The following ISLR2 variants were observed in gnomAD, a reference collection of about 807,000 sequenced individuals.
The protein encoded by ISLR2 is immunoglobulin superfamily containing leucine rich repeat 2.
Under a neutral mutation model 25.5 loss-of-function variants are expected in ISLR2, and 16 were observed. The ratio of observed to expected loss-of-function variants is 0.63; its 90% CI spans 0.43 to 0.95. The LOEUF is 0.95. Among genes scored for constraint, ISLR2 ranks in the 40% least tolerant of loss-of-function variants. ISLR2 has a pLI of 0.00. For synonymous variants in ISLR2, 508 were observed against 486.6 expected (o/e 1.04, Z -0.58); for missense variants, 883 against 1,030.7 (o/e 0.86, Z 1.96).
intron 2 of ISLR2, among the ~76,000 whole-genome samples, chr15:74,111,481 G>T (rs921155727): frequency 2.6e-5 from 4 of 150,992 alleles, no homozygotes; most frequent in Admixed American, 1.3e-4. Context: ...GTGTAGACAG[G>T]GCTTGCCATG....
At chr15:74,128,389 G>T (rs2072329273), upstream of ISLR2, 1 of 442,448 alleles carries the variant, frequency 2.3e-6, no homozygotes, top group Admixed American at 2.7e-5. Flanking sequence ...CGGGCCCGCG[G>T]GAGTCAGCTC....
chr15:74,133,888 A>C lies in ISLR2; in HGVS notation c.1134A>C (p.Pro378=). Residue 378 remains proline (P), a synonymous_variant, in exon 3 of 3, where the codon CCA becomes CCC. Coordinates refer to ENST00000453268, the MANE Select transcript of ISLR2 (RefSeq NM_020851.3). ...IRVAVAATGP[P]KHAPGAGGEP... ...TGGCGGTGGCAGCAACCGGGCCCCC[A>C]AAACACGCGCCTGGCGCCGGGGGAG... The C allele has an allele frequency of 6.2e-7, 1 of 1,608,664 alleles. No individual in the cohort carries two copies.
In ISLR2 at chr15:74,133,895, G is replaced by T; in HGVS notation, c.1141G>T (p.Ala381Ser). 1.9e-6 allele frequency: 3 copies of T among 1,606,378 alleles called. No individual in the cohort carries two copies. Among genetic ancestry groups the T allele is most frequent in the Non-Finnish European group, 2.5e-6 (3 of 1,176,720 alleles). ...GGCAGCAACCGGGCCCCCAAAACACGCGCCTGGCGCCGGGGGAGAACCCGA... is the reference window on the plus strand; with the variant it reads ...GGCAGCAACCGGGCCCCCAAAACACTCGCCTGGCGCCGGGGGAGAACCCGA... ...AVAATGPPKHAPGAGGEPDGQ... is the reference protein window; with the variant it reads ...AVAATGPPKHSPGAGGEPDGQ... Residue 381 changes from alanine to serine, a missense_variant, in exon 3 of 3, where the codon GCG (alanine) becomes TCG (serine). Physicochemically the swap from Ala to Ser is moderately conservative, Grantham distance 99. Around this residue, in one of 2 missense-constraint regions of ISLR2, gnomAD observed 612 missense variants for 642.8 expected, o/e 0.95. Transcript: ENST00000453268.
upstream of ISLR2, chr15:74,126,802 A>G (rs568573990): frequency 6.6e-6 from 1 of 152,544 alleles, no homozygotes. Flanking sequence ...AGGAGGGAGT[A>G]TAAACAGGGC....
chr15:74,134,243 G>A lies in ISLR2; in HGVS notation c.1489G>A (p.Glu497Lys), dbSNP rs1304784130. 6.3e-7 allele frequency: 1 copy of A among 1,587,172 alleles called. No individual in the cohort carries two copies. The highest frequency in any genetic ancestry group is 8.6e-7 in the Non-Finnish European group (1 of 1,167,082). Residue 497 changes from glutamate (E) to lysine (K), a missense_variant, in exon 3 of 3, where the codon GAG becomes AAG. By Grantham distance (56) the Glu-to-Lys change is moderately conservative. Transcript: ENST00000453268. ...CATCGCGCTGGATGTGGCGGAGCGC[G>A]AGGCGCGGGTGCAGCTGACTCCGCT... ...GVIALDVAER[E>K]ARVQLTPLAA... is the part of the protein sequence containing the mutation.
At chr15:74,127,223 T>C (rs943958964), upstream of ISLR2, 6 of 152,170 alleles carry the variant, frequency 3.9e-5, no homozygotes, top group African/African-American at 1.4e-4. Context: ...ATGTCGCATG[T>C]CTTAAACATT....
At position 74,135,132 on chromosome 15, in the gene ISLR2, C is replaced by G; in HGVS notation, c.*140C>G. On this transcript the variant is annotated 3_prime_UTR_variant, in exon 3 of 3. Transcript: ENST00000453268. ...CCTTACTACTCCCCAACCTTGACTACCAGGGACTTCTATTAGGGAGTGGGC... is the reference window on the plus strand; with the variant it reads ...CCTTACTACTCCCCAACCTTGACTAGCAGGGACTTCTATTAGGGAGTGGGC... 1 of 1,027,176 alleles carries G rather than the reference C, an allele frequency of 9.7e-7. No individual in the cohort carries two copies. Among genetic ancestry groups the G allele is most frequent in the Non-Finnish European group, 1.4e-6 (1 of 707,146 alleles). The allele number at this position is 1,027,176 out of a possible 1,614,324, so 63.6% of individuals were successfully genotyped here.
chr15:74,133,597 A>G lies in ISLR2; in HGVS notation c.843A>G (p.Val281=), dbSNP rs1427866871. ...QWQLQIPGGT[V]VLEPPVLSGE... The stretch of plus-strand genomic sequence containing the variant: ...AACTTCAGATCCCCGGTGGCACCGT[A>G]GTCTTAGAGCCACCGGTTCTGAGCG... Residue 281 remains valine, a synonymous_variant, in exon 3 of 3, where the codon GTA becomes GTG. Transcript: ENST00000453268. 3 of 1,614,116 alleles carry G rather than the reference A, an allele frequency of 1.9e-6. No individual in the cohort carries two copies. The highest frequency in any genetic ancestry group is 2.5e-6 in the Non-Finnish European group (3 of 1,179,994).
Position 74,132,635 on chromosome 15 carries a change from G to A in ISLR2, c.-8-112G>A. 3 of 1,400,622 alleles carry A rather than the reference G, an allele frequency of 2.1e-6. No individual in the cohort carries two copies. The highest frequency in any genetic ancestry group is 2.8e-6 in the Non-Finnish European group (3 of 1,060,418). 86.8% of individuals were successfully genotyped at this position (1,400,622 alleles called of 1,614,324 possible). On this transcript the variant is annotated intron_variant, in intron 2 of 2. Transcript: ENST00000453268. The surrounding 1 kb of genome is among the most constrained non-coding windows in gnomAD (Gnocchi z 4.3). ...GCTCCTGGCCATAGAGGAGGTTACCGGAGCCCTGGAACTAGTGCTAAACGG... is the reference window on the plus strand; with the variant it reads ...GCTCCTGGCCATAGAGGAGGTTACCAGAGCCCTGGAACTAGTGCTAAACGG...
upstream of ISLR2, chr15:74,129,026 A>G (rs771998038): frequency 2.2e-6 from 1 of 456,704 alleles, no homozygotes; most frequent in East Asian, 7.0e-5. This position sits in a 1 kb window ranked among gnomAD's most constrained non-coding sequence, Gnocchi z 4.5. Context: ...GACGGGTCAC[A>G]GTGCTCTCAC....
At chr15:74,115,287 C>T (rs2072201964) in intron 2 of ISLR2, among the ~76,000 whole-genome samples, 1 of 152,184 alleles carries the variant, frequency 6.6e-6, no homozygotes, top group Non-Finnish European at 1.5e-5. Context: ...TTGATAGATC[C>T]AACTTATTTA....
intron 2 of ISLR2, among the ~76,000 whole-genome samples, chr15:74,116,849 GA>G (rs1358896660): frequency 6.6e-6 from 1 of 152,208 alleles, no homozygotes; most frequent in African/African-American, 2.4e-5. Context: ...GAAGTGGGAA[GA>G]GGGAGTTTCA....
At chr15:74,125,318 G>A (rs2072286291), upstream of ISLR2, among the ~76,000 whole-genome samples, 2 of 152,116 alleles carry the variant, frequency 1.3e-5, no homozygotes, top group African/African-American at 2.4e-5. Context: ...GCTTATGGCT[G>A]CCTCGACCTC....
chr15:74,124,837 C>T (rs1156950001), upstream of ISLR2, among the ~76,000 whole-genome samples: 1 of 152,186 alleles, frequency 6.6e-6, no homozygotes, highest in Non-Finnish European at 1.5e-5. Flanking sequence ...ACCAAGGCAC[C>T]AAGGGACCCA....
intron 2 of ISLR2, among the ~76,000 whole-genome samples, chr15:74,118,176 C>T (rs1296773866): frequency 6.6e-6 from 1 of 151,954 alleles, no homozygotes; most frequent in African/African-American, 2.4e-5. Context: ...GCTGGGTGTC[C>T]GGGGGAGACA....
chr15:74,113,086 T>C (rs1315942926), intron 2 of ISLR2, among the ~76,000 whole-genome samples: 1 of 152,220 alleles, frequency 6.6e-6, no homozygotes, highest in Non-Finnish European at 1.5e-5. Context: ...AGGCATTAGA[T>C]TCTCATAAAG....
At chr15:74,131,480 C>T (rs2072417645) in intron 2 of ISLR2, among the ~76,000 whole-genome samples, 164 bp downstream of exon 2, 1 of 152,126 alleles carries the variant, frequency 6.6e-6, no homozygotes, top group Non-Finnish European at 1.5e-5. Flanking sequence ...GGAGCAGGTT[C>T]CCAAAGACAA....
chr15:74,128,979 C>G (rs1465778286), upstream of ISLR2: 2 of 456,554 alleles, frequency 4.4e-6, no homozygotes, highest in Non-Finnish European at 8.8e-6. Flanking sequence ...GGCTAGGGAC[C>G]CAATCCTGGC....
upstream of ISLR2, among the ~76,000 whole-genome samples, chr15:74,123,212 C>T (rs2072266844): frequency 6.6e-6 from 1 of 152,038 alleles, no homozygotes; most frequent in Non-Finnish European, 1.5e-5. Flanking sequence ...CTCCTGGGAC[C>T]CAAGCGGGCC....
Sources: gnomAD v4.1 joint callset for allele counts (sites outside exome capture counted in the v4.1 genomes callset) on GRCh38, gnomAD v4.1.1 for gene constraint, gnomAD v4.1.1 regional missense constraint, Gnocchi (gnomAD v3.1) non-coding constraint, MANE v1.5 for transcripts, NCBI Gene and HGNC (gene_info 2026-07-23, HGNC 2026-07-21) for gene names.